INPP5B: variants seen among roughly 807,000 people sequenced by gnomAD.
The protein encoded by INPP5B is type II inositol 1,4,5-trisphosphate 5-phosphatase.
INPP5B carries 90 observed loss-of-function variants against 118.5 expected under a neutral mutation model. That is an observed-to-expected ratio of 0.76 (90% CI 0.64 to 0.90). The LOEUF (loss-of-function observed/expected upper bound fraction) is 0.90. Ranked by LOEUF, INPP5B falls within the 40% of genes least tolerant of loss-of-function variation. The pLI, the probability that INPP5B is intolerant of heterozygous loss-of-function variation, is 0.00. For missense variants in INPP5B, 984 were observed against 1,125.6 expected, an observed-to-expected ratio of 0.87 and a Z score of 1.80; for synonymous variants, 385 against 418.9, an observed-to-expected ratio of 0.92 and a Z score of 0.99.
rs1028493150 is a variant in INPP5B at position 37,883,565 on chromosome 1, A to C, written c.1320-647T>G. Reference sequence around the variant, plus strand: ...TAATACTGCTGTATCTGAAGCCAACAACCATGTCATTAGAGAATCTGCACA... The same window carrying C: ...TAATACTGCTGTATCTGAAGCCAACCACCATGTCATTAGAGAATCTGCACA... On this transcript the variant is annotated intron_variant, in intron 13 of 23. Coordinates refer to ENST00000373024, the MANE Select transcript of INPP5B (RefSeq NM_005540.3). The C allele has an allele frequency of 9.1e-6, 9 of 985,336 alleles. No individual in the cohort carries two copies. The African/African-American group carries it at 1.6e-4, about 17-fold the overall frequency. 61.0% of individuals were successfully genotyped at this position (985,336 alleles called of 1,614,324 possible).
At chr1:37,876,948 G>A (rs1642869358) in intron 16 of INPP5B, among the ~76,000 whole-genome samples, 1 of 151,948 alleles carries the variant, frequency 6.6e-6, no homozygotes, top group South Asian at 2.1e-4. Context: ...CTACTGAGGA[G>A]GCTGATGTAT....
intron 7 of INPP5B, among the ~76,000 whole-genome samples, chr1:37,924,829 G>A (rs1047921329): frequency 1.3e-5 from 2 of 152,100 alleles, no homozygotes. Context: ...CTTGAGGTCA[G>A]GAGTTCAAGA....
chr1:37,939,319 G>A (rs1235013413), intron 6 of INPP5B, among the ~76,000 whole-genome samples: 4 of 151,692 alleles, frequency 2.6e-5, no homozygotes, highest in East Asian at 3.9e-4. Context: ...AGCCGAGATC[G>A]CGCCACTGCA....
chr1:37,913,918 G>GTGAT (rs1644782783), intron 7 of INPP5B, among the ~76,000 whole-genome samples: 2 of 152,210 alleles, frequency 1.3e-5, no homozygotes, highest in South Asian at 4.2e-4. Flanking sequence ...TTCTACCATT[G>GTGAT]TGATTTGTTC....
At chr1:37,927,529 CTTTTT>C (rs1645275715) in intron 7 of INPP5B, among the ~76,000 whole-genome samples, 1 of 151,238 alleles carries the variant, frequency 6.6e-6, no homozygotes, top group South Asian at 2.1e-4. Flanking sequence ...TTTCATTTTT[CTTTTT>C]CTTTCTTTTT....
intron 2 of INPP5B, among the ~76,000 whole-genome samples, 159 bp downstream of exon 2, chr1:37,946,093 G>A (rs943912415): frequency 6.6e-6 from 1 of 152,188 alleles, no homozygotes; most frequent in Admixed American, 6.5e-5. Flanking sequence ...AAAGCATTTG[G>A]CTGAGAGTCC....
intron 7 of INPP5B, among the ~76,000 whole-genome samples, chr1:37,894,797 G>C (rs1643963405): frequency 6.6e-6 from 1 of 152,068 alleles, no homozygotes; most frequent in Admixed American, 6.6e-5. Context: ...CTGACGTCAG[G>C]TCTCCCAGTG....
chr1:37,869,668 C>T (rs542797422), intron 19 of INPP5B, among the ~76,000 whole-genome samples: 24 of 150,324 alleles, frequency 1.6e-4, no homozygotes, highest in South Asian at 6.3e-4. Context: ...TTAGTAGAGA[C>T]GGGGGGTTTC....
At position 37,878,190 on chromosome 1, in the gene INPP5B, C is replaced by T. The variant is rs957785036; in HGVS notation, c.1675G>A (p.Gly559Arg). ...AACAGGTACCAGCTGCCACCTACCC[C>T]GATGTCAAACACTGAGCTGACAGGC... is the stretch of plus-strand genomic sequence containing the variant. ...HKPVSSVFDI[G>R]VRVVNDELYR... The change falls in exon 16 of 24, where the codon GGG becomes AGG. Residue 559 changes from glycine (G) to arginine (R), a missense_variant and splice_region_variant. By Grantham distance (125) the Gly-to-Arg change is moderately radical. Coordinates refer to ENST00000373024, the MANE Select transcript of INPP5B (RefSeq NM_005540.3). 20 of 1,613,832 alleles carry T rather than the reference C, an allele frequency of 1.2e-5. No individual in the cohort carries two copies. Among genetic ancestry groups the T allele is most frequent in the African/African-American group, 9.3e-5 (7 of 74,930 alleles).
chr1:37,939,149 G>A (rs914148551), intron 6 of INPP5B, among the ~76,000 whole-genome samples: 4 of 145,122 alleles, frequency 2.8e-5, no homozygotes, highest in Admixed American at 7.2e-5. Context: ...AGCCAAGGTC[G>A]TACCACCACA....
At position 37,878,400 on chromosome 1, in the gene INPP5B, T is replaced by C; in HGVS notation, c.1542-77A>G. ...TGCCTGGCGAGTGCCCTGGCTCAGG[T>C]GGGGAGTGATGAATCAGGGCCTTCA... On this transcript the variant is annotated intron_variant, in intron 15 of 23. Coordinates refer to ENST00000373024, the MANE Select transcript of INPP5B (RefSeq NM_005540.3). 10 of 1,572,830 alleles carry C rather than the reference T, an allele frequency of 6.4e-6. No individual in the cohort carries two copies. In the South Asian group the frequency reaches 8.1e-5, roughly 13 times the overall value.
intron 16 of INPP5B, among the ~76,000 whole-genome samples, chr1:37,877,307 A>C (rs984175117): frequency 6.6e-6 from 1 of 151,508 alleles, no homozygotes; most frequent in Non-Finnish European, 1.5e-5. Flanking sequence ...ACGCCACTGC[A>C]CTCCAGCCTG....
At chr1:37,942,930 A>C (rs1365872604) in intron 5 of INPP5B, among the ~76,000 whole-genome samples, 1 of 139,098 alleles carries the variant, frequency 7.2e-6, no homozygotes, top group Non-Finnish European at 1.6e-5. Flanking sequence ...AGAGAGAGAG[A>C]GGAAGGGAGG....
At chr1:37,909,149 G>A (rs879457790) in intron 7 of INPP5B, among the ~76,000 whole-genome samples, 4 of 152,214 alleles carry the variant, frequency 2.6e-5, no homozygotes, top group Middle Eastern at 3.4e-3. Context: ...GGTGCCTGAC[G>A]TCCAGGCATT....
chr1:37,862,339 G>A lies in INPP5B; in HGVS notation c.2718C>T (p.His906=). 6.2e-7 allele frequency: 1 copy of A among 1,613,584 alleles called. No homozygotes were observed. The highest frequency in any genetic ancestry group is 8.5e-7 in the Non-Finnish European group (1 of 1,179,488). ...CTCAGAGTGGGTTGCAGAGGAACTGGTGAATAAATTCTTGAGCCTTCTTCT... is the reference window on the plus strand; with the variant it reads ...CTCAGAGTGGGTTGCAGAGGAACTGATGAATAAATTCTTGAGCCTTCTTCT... The part of the protein sequence containing the change: ...TEKKKAQEFI[H]QFLCNPL Residue 906 remains histidine, a synonymous_variant, in exon 24 of 24, where the codon CAC becomes CAT. Transcript: ENST00000373024.
intron 7 of INPP5B, among the ~76,000 whole-genome samples, chr1:37,922,460 C>T (rs984464220): frequency 6.6e-6 from 1 of 151,610 alleles, no homozygotes; most frequent in African/African-American, 2.4e-5. Flanking sequence ...ACCTGTAATC[C>T]CAGCACTTTG....
intron 19 of INPP5B, among the ~76,000 whole-genome samples, chr1:37,869,597 A>G (rs1307877487): frequency 6.6e-6 from 1 of 152,048 alleles, no homozygotes; most frequent in Non-Finnish European, 1.5e-5. Context: ...CTCCTGCCTC[A>G]GCCTCCCGAG....
At chr1:37,932,996 C>T (rs1441975634) in intron 6 of INPP5B, among the ~76,000 whole-genome samples, 1 of 152,198 alleles carries the variant, frequency 6.6e-6, no homozygotes, top group African/African-American at 2.4e-5. Flanking sequence ...TTGCTCTTAA[C>T]CCTCCTGCTA....
chr1:37,941,322 G>A (rs1645899542), intron 5 of INPP5B, among the ~76,000 whole-genome samples: 1 of 152,108 alleles, frequency 6.6e-6, no homozygotes, highest in Admixed American at 6.6e-5. Flanking sequence ...TGAACTAACA[G>A]ACAAACAGAA....
Sources: allele counts gnomAD v4.1 joint callset (sites outside exome capture counted in the v4.1 genomes callset), GRCh38; gene constraint gnomAD v4.1.1; transcripts MANE v1.5; gene names NCBI Gene and HGNC (gene_info 2026-07-23, HGNC 2026-07-21).